SLC14A2: variants seen among roughly 807,000 people sequenced by gnomAD.
The protein encoded by SLC14A2 is urea transporter 2.
SLC14A2 carries 91 observed loss-of-function variants against 104.6 expected under a neutral mutation model. The ratio of observed to expected loss-of-function variants is 0.87; its 90% CI spans 0.73 to 1.04. The LOEUF (loss-of-function observed/expected upper bound fraction) is 1.04, where lower values mean the gene tolerates loss of function less well. Ranked by LOEUF, SLC14A2 falls within the 50% of genes least tolerant of loss-of-function variation. The pLI, the probability that SLC14A2 is intolerant of heterozygous loss-of-function variation, is 0.00. For missense variants in SLC14A2, 1,189 were observed against 1,156.0 expected, an observed-to-expected ratio of 1.03 and a Z score of -0.41; for synonymous variants, 476 against 466.4, an observed-to-expected ratio of 1.02 and a Z score of -0.27.
intron 2 of SLC14A2, among the ~76,000 whole-genome samples, chr18:45,496,272 GGTT>G (rs2043096413): frequency 6.6e-6 from 1 of 152,170 alleles, no homozygotes; most frequent in Non-Finnish European, 1.5e-5. Context: ...CAAGTGTGAT[GGTT>G]AATATTAGGT....
Position 45,429,623 on chromosome 18 carries a change from C to A in SLC14A2, c.-124-53610C>A, listed in dbSNP as rs1299712336. ...GGCCTCTCCAGCCTGACCAGTCTTA[C>A]AATAGCATAAATCATATTTTTATGT... On this transcript the variant is annotated intron_variant, in intron 1 of 20. Transcript: ENST00000586448. Among the ~76,000 whole-genome samples the A allele has an allele frequency of 2.6e-5, 4 of 152,322 alleles. No individual in the cohort carries two copies. The East Asian group carries it at 7.7e-4, about 29-fold the overall frequency.
At chr18:45,559,966 G>A (rs1179140501) in intron 2 of SLC14A2, among the ~76,000 whole-genome samples, 2 of 152,154 alleles carry the variant, frequency 1.3e-5, no homozygotes, top group Non-Finnish European at 2.9e-5. Context: ...CCACATCAAG[G>A]TCATGGAGCA....
chr18:45,637,267 C>T (rs2045434083), intron 6 of SLC14A2, 85 bp downstream of exon 6: 3 of 1,069,374 alleles, frequency 2.8e-6, no homozygotes, highest in Admixed American at 4.2e-5. Context: ...TATCCATGCT[C>T]TCAACTTCTC....
intron 1 of SLC14A2, among the ~76,000 whole-genome samples, chr18:45,244,662 G>T (rs1387181794): frequency 1.3e-5 from 2 of 152,052 alleles, no homozygotes; most frequent in Non-Finnish European, 2.9e-5. Context: ...GGAGCAGGTG[G>T]CAGGTGGTGC....
At chr18:45,175,741 G>A in the SLC14A2 span, among the ~76,000 whole-genome samples, 2 of 152,134 alleles carry the variant, frequency 1.3e-5, no homozygotes, top group Non-Finnish European at 2.9e-5. Flanking sequence ...TGGGCCATGA[G>A]GTGAGCAACC....
intron 2 of SLC14A2, among the ~76,000 whole-genome samples, chr18:45,601,695 G>C (rs2044793287): frequency 6.6e-6 from 1 of 152,220 alleles, no homozygotes; most frequent in African/African-American, 2.4e-5. Flanking sequence ...ACATCATTGA[G>C]GAAAATTCTG....
chr18:45,351,869 T>C (rs2085506912), intron 1 of SLC14A2, among the ~76,000 whole-genome samples: 1 of 152,098 alleles, frequency 6.6e-6, no homozygotes, highest in Non-Finnish European at 1.5e-5. Flanking sequence ...GGTGGAACAC[T>C]TGGATTCAAA....
intron 1 of SLC14A2, among the ~76,000 whole-genome samples, chr18:45,267,369 G>C (rs2084602818): frequency 6.6e-6 from 1 of 151,866 alleles, no homozygotes; most frequent in Non-Finnish European, 1.5e-5. Context: ...CCACCCTTCT[G>C]GTTATCCTTA....
intron 2 of SLC14A2, among the ~76,000 whole-genome samples, chr18:45,527,475 A>G (rs1394752140): frequency 1.3e-5 from 2 of 152,254 alleles, no homozygotes; most frequent in Non-Finnish European, 1.5e-5. Flanking sequence ...TAAAGTTAGC[A>G]ATAGCAATAG....
At chr18:45,494,547 G>A (rs1215886770) in intron 2 of SLC14A2, among the ~76,000 whole-genome samples, 4 of 152,022 alleles carry the variant, frequency 2.6e-5, no homozygotes, top group East Asian at 3.9e-4. Context: ...ACAGGCACAT[G>A]CCACCATGCC....
At chr18:45,596,428 G>A (rs1211672045) in intron 2 of SLC14A2, among the ~76,000 whole-genome samples, 2 of 152,204 alleles carry the variant, frequency 1.3e-5, no homozygotes, top group African/African-American at 4.8e-5. Context: ...AAAAGGGAAG[G>A]AAGATGGCCA....
the SLC14A2 span, among the ~76,000 whole-genome samples, chr18:45,179,680 TAAACAC>T: frequency 1.3e-5 from 2 of 152,172 alleles, no homozygotes; most frequent in East Asian, 1.9e-4. Context: ...CAGGTGAACT[TAAACAC>T]AATTAATCTG....
intron 1 of SLC14A2, among the ~76,000 whole-genome samples, chr18:45,338,312 T>C (rs1461464060): frequency 6.6e-6 from 1 of 152,112 alleles, no homozygotes; most frequent in Non-Finnish European, 1.5e-5. Context: ...GCCATTCTCC[T>C]GCCTCAGCCT....
intron 2 of SLC14A2, among the ~76,000 whole-genome samples, chr18:45,511,518 A>C (rs904025407): frequency 6.6e-6 from 1 of 152,116 alleles, no homozygotes; most frequent in Non-Finnish European, 1.5e-5. Flanking sequence ...CACCACCCTT[A>C]GTACACACCT....
chr18:45,604,732 T>G (rs1316058989), intron 2 of SLC14A2, among the ~76,000 whole-genome samples: 3 of 152,238 alleles, frequency 2.0e-5, no homozygotes, highest in Non-Finnish European at 2.9e-5. Context: ...TCAGCTAATA[T>G]GTCAAGGCAC....
chr18:45,509,960 C>T (rs550348580), intron 2 of SLC14A2, among the ~76,000 whole-genome samples: 1 of 152,144 alleles, frequency 6.6e-6, no homozygotes. Context: ...AGAAGGGGAA[C>T]CTGAAATCTG....
chr18:45,271,723 C>T (rs1217715841), intron 1 of SLC14A2, among the ~76,000 whole-genome samples: 1 of 152,076 alleles, frequency 6.6e-6, no homozygotes, highest in Non-Finnish European at 1.5e-5. Flanking sequence ...GTCCTTACTA[C>T]CCAAAGCAAT....
At position 45,627,004 on chromosome 18, in the gene SLC14A2, C is replaced by CG; in HGVS notation, c.379dup (p.Ala127GlyfsTer96). The CG allele has an allele frequency of 1.2e-6, 2 of 1,612,716 alleles. No individual in the cohort carries two copies. Among genetic ancestry groups the CG allele is most frequent in the Non-Finnish European group, 1.7e-6 (2 of 1,179,948 alleles). On this transcript the variant is annotated frameshift_variant, in exon 4 of 20. Coordinates refer to ENST00000255226, the MANE Select transcript of SLC14A2 (RefSeq NM_007163.4). LOFTEE classifies it high-confidence loss of function. The stretch of plus-strand genomic sequence containing the variant: ...TCATAGACTGGGTCCTGAGAGGGAC[C>CG]GCTCAGGTGATGTTCATCAACAATC...
At chr18:45,309,697 G>C (rs1289881771) in intron 1 of SLC14A2, among the ~76,000 whole-genome samples, 1 of 152,010 alleles carries the variant, frequency 6.6e-6, no homozygotes, top group African/African-American at 2.4e-5. Context: ...TGGTTTTGTT[G>C]CTAATTTTTA....
Sources: allele counts gnomAD v4.1 joint callset (sites outside exome capture counted in the v4.1 genomes callset), GRCh38; gene constraint gnomAD v4.1.1; transcripts MANE v1.5; gene names NCBI Gene and HGNC (gene_info 2026-07-23, HGNC 2026-07-21).